The following ABHD3 variants were observed in gnomAD, a reference collection of about 807,000 sequenced individuals.
The protein encoded by ABHD3 is abhydrolase domain containing 3, phospholipase.
A neutral mutation model predicts 48.8 loss-of-function variants in ABHD3; 46 were observed. That is an observed-to-expected ratio of 0.94 (90% CI 0.74 to 1.20). The LOEUF is 1.20. Ranked by LOEUF, ABHD3 falls within the 50% of genes most tolerant of loss-of-function variation. The pLI is 0.00. For synonymous variants in ABHD3, 192 were observed against 183.7 expected, an observed-to-expected ratio of 1.04 and a Z score of -0.36; for missense variants, 490 against 497.8, an observed-to-expected ratio of 0.98 and a Z score of 0.15.
intron 4 of ABHD3, among the ~76,000 whole-genome samples, chr18:21,681,969 C>T (rs2040013686): frequency 6.6e-6 from 1 of 151,950 alleles, no homozygotes; most frequent in South Asian, 2.1e-4. Flanking sequence ...ACAAAACAAA[C>T]AAATAAATAA....
intron 4 of ABHD3, among the ~76,000 whole-genome samples, chr18:21,674,071 T>C (rs573017109): frequency 1.3e-5 from 2 of 152,228 alleles, no homozygotes; most frequent in South Asian, 4.2e-4. Context: ...GGAAATCCAG[T>C]TCTATATGGG....
At chr18:21,659,812 G>A (rs1349366477) in intron 5 of ABHD3, among the ~76,000 whole-genome samples, 1 of 152,066 alleles carries the variant, frequency 6.6e-6, no homozygotes, top group East Asian at 1.9e-4. Flanking sequence ...GGGATTACAG[G>A]CATGCATCAC....
intron 5 of ABHD3, chr18:21,663,794 G>A (rs2039556650): frequency 1.3e-6 from 2 of 1,534,032 alleles, no homozygotes; most frequent in Non-Finnish European, 1.7e-6. Context: ...CAGCTCCAGG[G>A]ATGGCTGGGA....
chr18:21,670,321 C>T (rs1190907364), intron 4 of ABHD3, among the ~76,000 whole-genome samples: 4 of 152,150 alleles, frequency 2.6e-5, no homozygotes, highest in East Asian at 3.8e-4. Context: ...TGCTACAAGG[C>T]CTTTTTGCCT....
In ABHD3 at chr18:21,673,040, T is replaced by C. The variant is rs146874392; in HGVS notation, c.556-8810A>G. ...TGTCAGGTTATACAAGCTACACCAA[T>C]AAATGAGCAGTTTTGTTAGTGGCTT... is the stretch of plus-strand genomic sequence containing the variant. On this transcript the variant is annotated intron_variant, in intron 4 of 8. Coordinates refer to ENST00000289119, the MANE Select transcript of ABHD3 (RefSeq NM_138340.5). Among the ~76,000 whole-genome samples, 829 of 152,268 alleles carry C rather than the reference T, an allele frequency of 5.4e-3. 7 individuals carry two copies. The highest frequency in any genetic ancestry group is 0.019 in the African/African-American group (784 of 41,546).
chr18:21,689,986 C>G (rs1023889112), intron 3 of ABHD3, among the ~76,000 whole-genome samples: 3 of 151,736 alleles, frequency 2.0e-5, no homozygotes, highest in African/African-American at 7.3e-5. Flanking sequence ...AACAGGAAAA[C>G]ATGACCCACA....
chr18:21,684,353 T>C (rs1451108170), intron 3 of ABHD3, among the ~76,000 whole-genome samples: 3 of 143,508 alleles, frequency 2.1e-5, no homozygotes, highest in African/African-American at 7.8e-5. Context: ...GTCTCGCTCT[T>C]GTCACCCAGG....
At chr18:21,695,664 C>T (rs951376876) in intron 3 of ABHD3, among the ~76,000 whole-genome samples, 3 of 152,122 alleles carry the variant, frequency 2.0e-5, no homozygotes, top group African/African-American at 7.2e-5. Flanking sequence ...TTTGCACCAA[C>T]CTAAGAATAA....
intron 3 of ABHD3, among the ~76,000 whole-genome samples, chr18:21,690,716 T>C (rs2040231734): frequency 6.6e-6 from 1 of 151,726 alleles, no homozygotes; most frequent in Non-Finnish European, 1.5e-5. Context: ...AAGATCTGGT[T>C]GGGCACAGTG....
At chr18:21,685,759 A>G (rs1010351170) in intron 3 of ABHD3, among the ~76,000 whole-genome samples, 1 of 151,984 alleles carries the variant, frequency 6.6e-6, no homozygotes, top group African/African-American at 2.4e-5. Context: ...GTGCAGTGAC[A>G]TGATCTCGGC....
intron 4 of ABHD3, among the ~76,000 whole-genome samples, chr18:21,677,644 T>C (rs1156826416): frequency 6.6e-6 from 1 of 152,156 alleles, no homozygotes. Context: ...TAAATATTTA[T>C]GTACAGGTTT....
chr18:21,689,280 T>C (rs959973300), intron 3 of ABHD3, among the ~76,000 whole-genome samples: 1 of 151,988 alleles, frequency 6.6e-6, no homozygotes, highest in Admixed American at 6.6e-5. Context: ...CTGGGCACAG[T>C]GCTCATGCCT....
chr18:21,658,348 C>T (rs2039404239), intron 6 of ABHD3, among the ~76,000 whole-genome samples: 3 of 152,168 alleles, frequency 2.0e-5, no homozygotes, highest in Admixed American at 2.0e-4. Context: ...CTAAAACATA[C>T]TATGCTCATA....
chr18:21,697,809 G>A (rs2040412923), intron 3 of ABHD3, among the ~76,000 whole-genome samples: 1 of 152,150 alleles, frequency 6.6e-6, no homozygotes, highest in Non-Finnish European at 1.5e-5. Flanking sequence ...AAAGTACTTT[G>A]TTAGTTTTCA....
At chr18:21,663,858 T>C in intron 5 of ABHD3, 1 of 1,493,650 alleles carries the variant, frequency 6.7e-7, no homozygotes, top group Non-Finnish European at 8.9e-7. Context: ...TGCAATCGAC[T>C]TCATGGGCTT....
At chr18:21,686,327 G>A (rs2040128210) in intron 3 of ABHD3, among the ~76,000 whole-genome samples, 1 of 152,178 alleles carries the variant, frequency 6.6e-6, no homozygotes, top group Non-Finnish European at 1.5e-5. Flanking sequence ...AGTTAATTAT[G>A]ATCTTGAAAC....
At chr18:21,685,259 C>CT (rs906045701) in intron 3 of ABHD3, among the ~76,000 whole-genome samples, 4 of 152,198 alleles carry the variant, frequency 2.6e-5, no homozygotes, top group Non-Finnish European at 5.9e-5. Context: ...CTGCTGAGCA[C>CT]TGTACAGGTT....
At chr18:21,690,210 C>G (rs2040216531) in intron 3 of ABHD3, among the ~76,000 whole-genome samples, 1 of 151,728 alleles carries the variant, frequency 6.6e-6, no homozygotes, top group Admixed American at 6.6e-5. Context: ...AAAAAATTCA[C>G]TGGATTTGCA....
At chr18:21,679,473 G>A (rs1263074728) in intron 4 of ABHD3, among the ~76,000 whole-genome samples, 2 of 152,126 alleles carry the variant, frequency 1.3e-5, no homozygotes, top group East Asian at 3.8e-4. Context: ...ATGATCTAAC[G>A]AGTTAATACA....
Sources: gnomAD v4.1 joint callset for allele counts (sites outside exome capture counted in the v4.1 genomes callset) on GRCh38, gnomAD v4.1.1 for gene constraint, MANE v1.5 for transcripts, NCBI Gene and HGNC (gene_info 2026-07-23, HGNC 2026-07-21) for gene names.